The following ITGAL variants were observed in gnomAD, a reference collection of about 807,000 sequenced individuals.
ITGAL encodes the protein integrin alpha-L.
Under a neutral mutation model 138.4 loss-of-function variants are expected in ITGAL, and 68 were observed. The observed-to-expected ratio is 0.49, with a 90% CI of 0.40 to 0.60. The LOEUF (loss-of-function observed/expected upper bound fraction) is 0.60. Among genes scored for constraint, ITGAL ranks in the 20% least tolerant of loss-of-function variants. The pLI, the probability that ITGAL is intolerant of heterozygous loss-of-function variation, is 0.00. For synonymous variants in ITGAL, 561 were observed against 584.3 expected, an observed-to-expected ratio of 0.96 and a Z score of 0.57; for missense variants, 1,256 against 1,478.6, an observed-to-expected ratio of 0.85 and a Z score of 2.47.
chr16:30,475,791 C>T (rs911544103), intron 4 of ITGAL, among the ~76,000 whole-genome samples: 1 of 116,148 alleles, frequency 8.6e-6, no homozygotes, highest in Non-Finnish European at 1.7e-5. Context: ...TATTCTATTG[C>T]CCAGGCTGGA....
intron 8 of ITGAL, 37 bp downstream of exon 8, chr16:30,483,996 T>A (rs1315673516): frequency 1.3e-6 from 2 of 1,599,778 alleles, no homozygotes; most frequent in Non-Finnish European, 1.7e-6. Context: ...ATATCTTCCC[T>A]CTCCTCTTTC....
In ITGAL at chr16:30,494,320, G is replaced by A; in HGVS notation, c.1322G>A (p.Gly441Asp). 1 of 1,612,978 alleles carries A rather than the reference G, an allele frequency of 6.2e-7. No homozygotes were observed. The highest frequency in any genetic ancestry group is 2.2e-5 in the East Asian group (1 of 44,862). ...GTGCTGCTGTTCCAAGAGCCACAGG[G>A]CGGAGGACACTGGAGCCAGGTCCAG... ...GRVLLFQEPQ[G>D]GGHWSQVQTI... is the part of the protein sequence containing the mutation. The change falls in exon 12 of 31, where the codon GGC becomes GAC. Residue 441 changes from glycine (G) to aspartate (D), a missense_variant. Gly to Asp is a moderately conservative substitution (Grantham distance 94). This residue lies in a region of ITGAL where 867 missense variants were observed against 972.5 expected (regional missense o/e 0.89). Coordinates refer to ENST00000356798, the MANE Select transcript of ITGAL (RefSeq NM_002209.3). This position sits in a 1 kb window ranked among gnomAD's most constrained non-coding sequence, Gnocchi z 4.2.
intron 21 of ITGAL, among the ~76,000 whole-genome samples, chr16:30,507,468 CAA>C (rs986162500): frequency 1.8e-5 from 2 of 108,520 alleles, no homozygotes; most frequent in Non-Finnish European, 4.0e-5. Context: ...AAAAAAAAAA[CAA>C]AAAAAAAAAC....
chr16:30,478,197 G>C (rs1052806866), intron 4 of ITGAL, among the ~76,000 whole-genome samples: 2 of 151,378 alleles, frequency 1.3e-5, no homozygotes, highest in African/African-American at 4.9e-5. Context: ...AACTGGGCGT[G>C]GTGGTGGGCA....
At chr16:30,487,244 G>A (rs2050660755) in intron 9 of ITGAL, among the ~76,000 whole-genome samples, 1 of 151,830 alleles carries the variant, frequency 6.6e-6, no homozygotes, top group African/African-American at 2.4e-5. Flanking sequence ...ACATAGTGCT[G>A]GGATTACAGG....
At chr16:30,489,215 CG>C (rs1567470120) in intron 10 of ITGAL, 38 bp from the exon 11 acceptor site, 1 of 1,613,694 alleles carries the variant, frequency 6.2e-7, no homozygotes, top group East Asian at 2.2e-5. Context: ...GGGGGTGGGT[CG>C]GTGGGTAGCT....
rs1567492105 is a variant in ITGAL at position 30,517,652 on chromosome 16, C to T, written c.2980C>T (p.Pro994Ser). The change falls in exon 27 of 31, where the codon CCT becomes TCT. Residue 994 changes from proline (P) to serine (S), a missense_variant. By Grantham distance (74) the Pro-to-Ser change is moderately conservative (BLOSUM62 -1). Coordinates refer to ENST00000356798, the MANE Select transcript of ITGAL (RefSeq NM_002209.3). ...ITHQWSVQME[P>S]PVPCHYEDLE... ...AAGACCTGCCGCTTGTTCCTAGGAGCCTCCCGTGCCCTGCCACTATGAGGA... is the reference window on the plus strand; with the variant it reads ...AAGACCTGCCGCTTGTTCCTAGGAGTCTCCCGTGCCCTGCCACTATGAGGA... 6.2e-7 allele frequency: 1 copy of T among 1,613,814 alleles called. No individual in the cohort carries two copies. The highest frequency in any genetic ancestry group is 2.2e-5 in the East Asian group (1 of 44,878).
At chr16:30,499,001 C>T (rs2050844386) in intron 15 of ITGAL, 73 bp from the exon 16 acceptor site, 6 of 1,461,024 alleles carry the variant, frequency 4.1e-6, no homozygotes, top group South Asian at 3.7e-5. Flanking sequence ...GCTTTGCTGG[C>T]GGGAGCCCCA....
At chr16:30,509,191 AAG>A (rs1240236042) in intron 21 of ITGAL, among the ~76,000 whole-genome samples, 12 of 149,858 alleles carry the variant, frequency 8.0e-5, no homozygotes, top group African/African-American at 1.5e-4. Context: ...AAAAAAAAAA[AAG>A]AGAGAGAGAG....
At chr16:30,493,571 T>C (rs2050757200) in intron 11 of ITGAL, among the ~76,000 whole-genome samples, 1 of 151,882 alleles carries the variant, frequency 6.6e-6, no homozygotes. Flanking sequence ...CCACCGCACC[T>C]GGACTCCCAT....
intron 18 of ITGAL, 44 bp downstream of exon 18, chr16:30,504,308 A>C: frequency 6.7e-7 from 1 of 1,502,834 alleles, no homozygotes; most frequent in Non-Finnish European, 9.3e-7. Flanking sequence ...TATCAGAGAA[A>C]TCCATTTGGC....
At chr16:30,507,074 A>G (rs991617502) in intron 21 of ITGAL, among the ~76,000 whole-genome samples, 2 of 151,960 alleles carry the variant, frequency 1.3e-5, no homozygotes. Flanking sequence ...TGTAATCCCA[A>G]CACTTTGGGA....
rs760723809 is a variant in ITGAL at position 30,511,030 on chromosome 16, T to A, written c.2700-20T>A. On this transcript the variant is annotated intron_variant, in intron 23 of 30. Transcript: ENST00000356798. ...CCAAGCCCTTCTCCTAACACTGGCC[T>A]CTTCCTTGCCCCAATGCAGTAACAA... 6 of 1,612,762 alleles carry A rather than the reference T, an allele frequency of 3.7e-6. No homozygotes were observed. The African/African-American group carries it at 6.7e-5, about 18-fold the overall frequency.
In ITGAL at chr16:30,481,243, G is replaced by A. The variant is rs1022364248; in HGVS notation, c.577-196G>A. The A allele has an allele frequency of 9.4e-6, 5 of 533,756 alleles. No individual in the cohort carries two copies. In the East Asian group the frequency reaches 1.3e-4, roughly 14 times the overall value. The allele number at this position is 533,756 out of a possible 1,614,324, so 33.1% of individuals were successfully genotyped here. ...TGCCTGTAATCGCAGCTACTTGGGA[G>A]GCTGAGGCATGAAAATCGCTGGAAC... On this transcript the variant is annotated intron_variant, in intron 6 of 30. Transcript: ENST00000356798.
chr16:30,506,097 T>C (rs1412459049), intron 20 of ITGAL, among the ~76,000 whole-genome samples: 1 of 151,192 alleles, frequency 6.6e-6, no homozygotes, highest in African/African-American at 2.4e-5. Flanking sequence ...CTGTCTCTAC[T>C]GAAAATACAA....
chr16:30,505,482 C>T lies in ITGAL; in HGVS notation c.2366+20C>T, dbSNP rs368144012. 4 of 1,591,164 alleles carry T rather than the reference C, an allele frequency of 2.5e-6. No homozygotes were observed. Among genetic ancestry groups the T allele is most frequent in the Non-Finnish European group, 3.4e-6 (4 of 1,160,090 alleles). ...TGCAAGGTCAGTAAGGCCTCCCACCCTCCAGCCTCCCATCCACTCTGTTTT... is the reference window on the plus strand; with the variant it reads ...TGCAAGGTCAGTAAGGCCTCCCACCTTCCAGCCTCCCATCCACTCTGTTTT... On this transcript the variant is annotated intron_variant, in intron 20 of 30. Coordinates refer to ENST00000356798, the MANE Select transcript of ITGAL (RefSeq NM_002209.3).
chr16:30,494,108 A>G lies in ITGAL; in HGVS notation c.1214-104A>G. ...AGAAGGTCTTCAGCTGTTTCCATGC[A>G]TCTCTGCTACTAACCCAATTCCCTG... On this transcript the variant is annotated intron_variant, in intron 11 of 30. Coordinates refer to ENST00000356798, the MANE Select transcript of ITGAL (RefSeq NM_002209.3). The surrounding 1 kb of genome is among the most constrained non-coding windows in gnomAD (Gnocchi z 4.2). 1 of 955,856 alleles carries G rather than the reference A, an allele frequency of 1.0e-6. No individual in the cohort carries two copies. The highest frequency in any genetic ancestry group is 1.6e-6 in the Non-Finnish European group (1 of 637,214). 59.2% of individuals were successfully genotyped at this position (955,856 alleles called of 1,614,324 possible).
chr16:30,505,907 T>C (rs1381807578), intron 20 of ITGAL, among the ~76,000 whole-genome samples: 1 of 151,770 alleles, frequency 6.6e-6, no homozygotes, highest in Non-Finnish European at 1.5e-5. Flanking sequence ...AAAAAGCAAA[T>C]CCCTCATGGA....
chr16:30,475,696 G>A, intron 4 of ITGAL, 116 bp downstream of exon 4: 8 of 526,126 alleles, frequency 1.5e-5, no homozygotes, highest in South Asian at 1.3e-4. Context: ...AGGCATCAGA[G>A]TCAATTAGTG....
Sources: gnomAD v4.1 joint callset for allele counts (sites outside exome capture counted in the v4.1 genomes callset) on GRCh38, gnomAD v4.1.1 for gene constraint, gnomAD v4.1.1 regional missense constraint, Gnocchi (gnomAD v3.1) non-coding constraint, MANE v1.5 for transcripts, NCBI Gene and HGNC (gene_info 2026-07-23, HGNC 2026-07-21) for gene names.